IL1RAPL2: variants seen among roughly 807,000 people sequenced by gnomAD.
The protein encoded by IL1RAPL2 is X-linked interleukin-1 receptor accessory protein-like 2.
In IL1RAPL2, 3 loss-of-function variants were observed where a neutral mutation model predicts 44.1. That is an observed-to-expected ratio of 0.07 (90% CI 0.03 to 0.18). The LOEUF is 0.18. IL1RAPL2 is among the 10% of genes least tolerant of loss of function. The probability of loss-of-function intolerance (pLI) is 1.00; values close to 1 mark genes in which losing one functional copy is unlikely to be tolerated. For missense variants in IL1RAPL2, 391 were observed against 496.4 expected, an observed-to-expected ratio of 0.79 and a Z score of 2.02; for synonymous variants, 181 against 178.8, an observed-to-expected ratio of 1.01 and a Z score of -0.10.
At chrX:104,588,049 C>A (rs766909557) in intron 1 of IL1RAPL2, among the ~76,000 whole-genome samples, 2 of 111,698 alleles carry the variant, frequency 1.8e-5, no homozygotes, top group Non-Finnish European at 3.8e-5. Flanking sequence ...AAAATGAGGG[C>A]TTTGAGGAAT....
chrX:105,633,722 G>A (rs2037505989), intron 6 of IL1RAPL2, among the ~76,000 whole-genome samples: 3 of 111,153 alleles, frequency 2.7e-5, no homozygotes, highest in African/African-American at 9.8e-5. Flanking sequence ...TTTATATAAT[G>A]TAATGCACAT....
chrX:105,051,857 GGGCCTGT>G (rs2031931348), intron 2 of IL1RAPL2, among the ~76,000 whole-genome samples: 1 of 112,336 alleles, frequency 8.9e-6, no homozygotes, highest in Non-Finnish European at 1.9e-5. Context: ...ACATACACCA[GGGCCTGT>G]TGAGGGTGGA....
intron 6 of IL1RAPL2, among the ~76,000 whole-genome samples, chrX:105,590,764 T>A (rs1896260612): frequency 9.1e-6 from 1 of 110,330 alleles, no homozygotes; most frequent in African/African-American, 3.3e-5. Context: ...AGTTTCCTTG[T>A]TGAAAATGTT....
chrX:105,076,501 G>C (rs1412102277), intron 2 of IL1RAPL2, among the ~76,000 whole-genome samples: 1 of 111,628 alleles, frequency 9.0e-6, no homozygotes, highest in African/African-American at 3.3e-5. Flanking sequence ...GTGTGGTGCT[G>C]AAAATAATGT....
chrX:104,966,415 C>G (rs1384407179), intron 2 of IL1RAPL2, among the ~76,000 whole-genome samples: 1 of 111,100 alleles, frequency 9.0e-6, no homozygotes, highest in Non-Finnish European at 1.9e-5. Flanking sequence ...AATACTAATG[C>G]AAACGTTACA....
chrX:104,687,034 CA>C (rs1370770285), intron 2 of IL1RAPL2, among the ~76,000 whole-genome samples: 1 of 111,614 alleles, frequency 9.0e-6, no homozygotes, highest in Non-Finnish European at 1.9e-5. Context: ...ATTCTATGGT[CA>C]AAAAAAGCTC....
chrX:105,095,954 T>C (rs1373381060), intron 2 of IL1RAPL2, among the ~76,000 whole-genome samples: 1 of 110,779 alleles, frequency 9.0e-6, no homozygotes, highest in Non-Finnish European at 1.9e-5. Flanking sequence ...CTGGCAAGAG[T>C]CTAGTATCCA....
At chrX:104,713,723 ACTT>A (rs770855987) in intron 2 of IL1RAPL2, among the ~76,000 whole-genome samples, 2 of 110,824 alleles carry the variant, frequency 1.8e-5, no homozygotes, top group Non-Finnish European at 3.8e-5. Context: ...ATAGAAGTTT[ACTT>A]CTTCTGAGAG....
At chrX:104,745,581 G>T (rs1031821797) in intron 2 of IL1RAPL2, among the ~76,000 whole-genome samples, 5 of 112,047 alleles carry the variant, frequency 4.5e-5, no homozygotes, top group African/African-American at 1.6e-4. Flanking sequence ...AGTTTAATCA[G>T]GTACAAATAT....
At chrX:105,242,746 G>A (rs2034182117) in intron 4 of IL1RAPL2, among the ~76,000 whole-genome samples, 1 of 111,716 alleles carries the variant, frequency 9.0e-6, no homozygotes, top group Non-Finnish European at 1.9e-5. Context: ...GTGCTCTCAT[G>A]AAAGTTCCAT....
At chrX:104,980,979 T>G (rs189041900) in intron 2 of IL1RAPL2, among the ~76,000 whole-genome samples, 1 of 111,176 alleles carries the variant, frequency 9.0e-6, no homozygotes, top group East Asian at 2.8e-4. Context: ...GTGTCATCTC[T>G]GATTTCTTCC....
chrX:105,378,301 G>T (rs1394918459), intron 5 of IL1RAPL2, among the ~76,000 whole-genome samples: 1 of 111,816 alleles, frequency 8.9e-6, no homozygotes, highest in Non-Finnish European at 1.9e-5. Flanking sequence ...GAGGGTAAAA[G>T]TTTGAGAGAC....
Position 105,128,657 on chromosome X carries a change from G to A in IL1RAPL2, c.83-66818G>A, listed in dbSNP as rs753958316. On this transcript the variant is annotated intron_variant, in intron 2 of 10. Transcript: ENST00000372582. ...CATTTGATAATATTATTGACCCACC[G>A]TGTTCTTTCTTTTTCTTCTGATTCT... Among the ~76,000 whole-genome samples, 28 of 110,936 alleles carry A rather than the reference G, an allele frequency of 2.5e-4. 1 individual carries two copies. Among genetic ancestry groups the A allele is most frequent in the Admixed American group, 2.9e-4 (3 of 10,422 alleles).
chrX:104,656,812 G>A (rs928831389), intron 1 of IL1RAPL2, among the ~76,000 whole-genome samples: 7 of 111,301 alleles, frequency 6.3e-5, no homozygotes, highest in South Asian at 3.8e-4. Flanking sequence ...GGCAGTCTAC[G>A]TCTCTTTGTA....
intron 2 of IL1RAPL2, among the ~76,000 whole-genome samples, chrX:104,825,411 G>C (rs1414251126): frequency 2.7e-5 from 3 of 112,045 alleles, no homozygotes; most frequent in Admixed American, 9.5e-5. Context: ...CAGATATGGG[G>C]CCTGATAAGG....
At chrX:105,209,097 T>C (rs1478981718) in intron 3 of IL1RAPL2, among the ~76,000 whole-genome samples, 1 of 112,059 alleles carries the variant, frequency 8.9e-6, no homozygotes, top group Non-Finnish European at 1.9e-5. Flanking sequence ...ATAATAATAT[T>C]GGCAACGCCA....
chrX:105,279,332 A>G (rs1211330461), intron 5 of IL1RAPL2, among the ~76,000 whole-genome samples: 1 of 111,908 alleles, frequency 8.9e-6, no homozygotes, highest in Non-Finnish European at 1.9e-5. Flanking sequence ...GTTCTACAGC[A>G]ACTAAATGAT....
rs1306981377 is a variant in IL1RAPL2 at position 105,031,521 on chromosome X, GT to G, written c.83-163952del. ...GATAATCATGTGGTTTTTGTCTTTGGTTATCTTTATATGCTGGATTACATTT... is the reference window on the plus strand; with the variant it reads ...GATAATCATGTGGTTTTTGTCTTTGGTATCTTTATATGCTGGATTACATTT... On this transcript the variant is annotated intron_variant, in intron 2 of 10. Coordinates refer to ENST00000372582, the MANE Select transcript of IL1RAPL2 (RefSeq NM_017416.2). 4.5e-5 allele frequency among the ~76,000 whole-genome samples: 5 copies of G among 111,774 alleles called. No individual in the cohort carries two copies. In the East Asian group the frequency reaches 1.1e-3, roughly 25 times the overall value.
intron 2 of IL1RAPL2, among the ~76,000 whole-genome samples, chrX:104,671,602 C>T (rs1328798863): frequency 9.0e-6 from 1 of 111,704 alleles, no homozygotes; most frequent in Non-Finnish European, 1.9e-5. Context: ...ATTTGTACGT[C>T]TGTCTTTTCC....
Sources: allele counts gnomAD v4.1 joint callset (sites outside exome capture counted in the v4.1 genomes callset), GRCh38; gene constraint gnomAD v4.1.1; transcripts MANE v1.5; gene names NCBI Gene and HGNC (gene_info 2026-07-23, HGNC 2026-07-21).